SCG3: variants seen among roughly 807,000 people sequenced by gnomAD.
The protein encoded by SCG3 is secretogranin-3.
A neutral mutation model predicts 56.2 loss-of-function variants in SCG3; 38 were observed. The ratio of observed to expected loss-of-function variants is 0.68; its 90% CI spans 0.52 to 0.89. The LOEUF (loss-of-function observed/expected upper bound fraction) is 0.89. Ranked by LOEUF, SCG3 falls within the 40% of genes least tolerant of loss-of-function variation. SCG3 has a pLI of 0.00. For synonymous variants in SCG3, 176 were observed against 184.2 expected, an observed-to-expected ratio of 0.96 and a Z score of 0.36; for missense variants, 524 against 540.7, an observed-to-expected ratio of 0.97 and a Z score of 0.31.
In SCG3 at chr15:51,719,745, A is replaced by G. The variant is rs1014982797; in HGVS notation, c.*219A>G. 3 of 533,368 alleles carry G rather than the reference A, an allele frequency of 5.6e-6. No homozygotes were observed. The African/African-American group carries it at 5.7e-5, about 10-fold the overall frequency. 33.0% of individuals were successfully genotyped at this position (533,368 alleles called of 1,614,324 possible). On this transcript the variant is annotated 3_prime_UTR_variant, in exon 12 of 12. Transcript: ENST00000220478. ...TGTAAGCTGAGATTTTGTATACAGA[A>G]TCCTTATTTCCTCATAGACTTATAT...
chr15:51,684,574 C>G (rs1333530313), intron 4 of SCG3, among the ~76,000 whole-genome samples: 2 of 152,148 alleles, frequency 1.3e-5, no homozygotes, highest in Non-Finnish European at 2.9e-5. Flanking sequence ...CAGACTCCAT[C>G]TTAAACAAAC....
chr15:51,717,271 G>C (rs1157691964), intron 11 of SCG3, among the ~76,000 whole-genome samples: 1 of 152,052 alleles, frequency 6.6e-6, no homozygotes, highest in African/African-American at 2.4e-5. Context: ...AGGAGGCTGA[G>C]GCAGAAGAAT....
intron 4 of SCG3, 67 bp from the exon 5 acceptor site, chr15:51,688,193 A>G: frequency 7.2e-7 from 1 of 1,386,898 alleles, no homozygotes; most frequent in Non-Finnish European, 9.9e-7. Flanking sequence ...ACAGATTATA[A>G]GTATAATATG....
chr15:51,712,630 T>C (rs1304399432), intron 10 of SCG3, among the ~76,000 whole-genome samples: 1 of 152,188 alleles, frequency 6.6e-6, no homozygotes, highest in East Asian at 1.9e-4. Flanking sequence ...TGGATGGTAA[T>C]ATCCGCTTGC....
intron 10 of SCG3, among the ~76,000 whole-genome samples, chr15:51,703,817 T>C (rs982073560): frequency 1.3e-5 from 2 of 152,192 alleles, no homozygotes; most frequent in Non-Finnish European, 2.9e-5. Flanking sequence ...TGTTGATTTT[T>C]CCTATCTTAT....
Position 51,719,644 on chromosome 15 carries a change from T to C in SCG3, c.*118T>C. 1 of 654,788 alleles carries C rather than the reference T, an allele frequency of 1.5e-6. No individual in the cohort carries two copies. Among genetic ancestry groups the C allele is most frequent in the Non-Finnish European group, 2.6e-6 (1 of 382,140 alleles). 40.6% of individuals were successfully genotyped at this position (654,788 alleles called of 1,614,324 possible). On this transcript the variant is annotated 3_prime_UTR_variant, in exon 12 of 12. Coordinates refer to ENST00000220478, the MANE Select transcript of SCG3 (RefSeq NM_013243.4). ...CAAGGGTTATTAGAAAGTGCTGAAT[T>C]TACAGTAGTTAACCTTTTACAAGTG... is the stretch of plus-strand genomic sequence containing the variant.
At chr15:51,696,607 C>T (rs2055305129) in intron 8 of SCG3, among the ~76,000 whole-genome samples, 1 of 152,166 alleles carries the variant, frequency 6.6e-6, no homozygotes, top group African/African-American at 2.4e-5. Flanking sequence ...GTTTAATTGG[C>T]TCACAGTTCT....
intron 10 of SCG3, among the ~76,000 whole-genome samples, chr15:51,708,858 A>G (rs2055393008): frequency 1.0e-5 from 1 of 96,946 alleles, no homozygotes; most frequent in East Asian, 2.1e-4. Flanking sequence ...GACTCCATCT[A>G]AAAAAAAAAA....
At position 51,719,305 on chromosome 15, in the gene SCG3, T is replaced by C. The variant is rs1229105824; in HGVS notation, c.1289-103T>C. 4.0e-6 allele frequency: 3 copies of C among 753,862 alleles called. No individual in the cohort carries two copies. In the African/African-American group the frequency reaches 5.2e-5, roughly 13 times the overall value. The allele number at this position is 753,862 out of a possible 1,614,324, so 46.7% of individuals were successfully genotyped here. A position where few individuals can be genotyped will look rare whatever the true frequency, so the allele number is the denominator to read the frequency against. ...TCCCGATGTGAAAGATGGGGAATGG[T>C]AATTGTGTTATTGTATAAAATGCTT... On this transcript the variant is annotated intron_variant, in intron 11 of 11. Coordinates refer to ENST00000220478, the MANE Select transcript of SCG3 (RefSeq NM_013243.4).
intron 7 of SCG3, chr15:51,693,963 A>G (rs1475921264): frequency 6.6e-6 from 1 of 152,198 alleles, no homozygotes; most frequent in African/African-American, 2.4e-5. Flanking sequence ...TGATAGCTGA[A>G]GTTACTATTT....
Position 51,688,304 on chromosome 15 carries a change from G to A in SCG3, c.442G>A (p.Ala148Thr), listed in dbSNP as rs768697386. 36 of 1,613,574 alleles carry A rather than the reference G, an allele frequency of 2.2e-5. No individual in the cohort carries two copies. Among genetic ancestry groups the A allele is most frequent in the African/African-American group, 6.7e-5 (5 of 74,892 alleles). ...LHQLDGTPLTAEDIVHKIAAR... is the reference protein window; with the variant it reads ...LHQLDGTPLTTEDIVHKIAAR... ...TCAACTAGACGGGACTCCTTTAACC[G>A]CTGAAGACATTGTCCATAAAATCGC... The change falls in exon 5 of 12, where the codon GCT (alanine) becomes ACT (threonine). Residue 148 changes from alanine (A) to threonine (T), a missense_variant. Physicochemically the swap from Ala to Thr is moderately conservative, Grantham distance 58. Coordinates refer to ENST00000220478, the MANE Select transcript of SCG3 (RefSeq NM_013243.4).
intron 8 of SCG3, 99 bp from the exon 9 acceptor site, chr15:51,699,220 G>A (rs1238073950): frequency 2.5e-6 from 2 of 803,716 alleles, no homozygotes; most frequent in Non-Finnish European, 4.2e-6. Flanking sequence ...TTTTGGAGTT[G>A]CTATTGTGAT....
rs1003982100 is a variant in SCG3 at position 51,718,195 on chromosome 15, TAGATAGACAGAC to T, written c.1289-1209_1289-1198del. Among the ~76,000 whole-genome samples, 52 of 124,938 alleles carry T rather than the reference TAGATAGACAGAC, an allele frequency of 4.2e-4. 1 individual carries two copies. The highest frequency in any genetic ancestry group is 3.3e-3 in the South Asian group (13 of 3,952). The allele number at this position is 124,938 out of a possible 152,430, so 82.0% of individuals were successfully genotyped here. On this transcript the variant is annotated intron_variant, in intron 11 of 11. Transcript: ENST00000220478. ...GATGATGGATGGATGGATAGATAGA[TAGATAGACAGAC>T]AGACAGACAGACAGACAGACAGACA...
At chr15:51,710,230 G>A (rs2055412000) in intron 10 of SCG3, among the ~76,000 whole-genome samples, 1 of 152,076 alleles carries the variant, frequency 6.6e-6, no homozygotes, top group Admixed American at 6.6e-5. Flanking sequence ...ATTTCTAAGG[G>A]AGGAAGACAA....
At chr15:51,694,101 A>G (rs1374557913) in intron 7 of SCG3, among the ~76,000 whole-genome samples, 2 of 151,284 alleles carry the variant, frequency 1.3e-5, no homozygotes, top group Non-Finnish European at 2.9e-5. Context: ...TTATCTTTCC[A>G]TTTCCCTCAC....
chr15:51,704,771 A>ATATATATATATATATATATC (rs2055363638), intron 10 of SCG3, among the ~76,000 whole-genome samples: 1 of 106,186 alleles, frequency 9.4e-6, no homozygotes, highest in Non-Finnish European at 1.8e-5. Flanking sequence ...ATACATATAT[A>ATATATATATATATATATATC]TATATATATA....
chr15:51,697,459 A>G (rs1402768703), intron 8 of SCG3, among the ~76,000 whole-genome samples: 1 of 152,238 alleles, frequency 6.6e-6, no homozygotes, highest in Non-Finnish European at 1.5e-5. Context: ...ATTAAGAGTA[A>G]CTTAAGCAGA....
At position 51,688,254 on chromosome 15, in the gene SCG3, G is replaced by T. The variant is rs766851564; in HGVS notation, c.398-6G>T. On this transcript the variant is annotated splice_region_variant and splice_polypyrimidine_tract_variant and intron_variant, in intron 4 of 11. Coordinates refer to ENST00000220478, the MANE Select transcript of SCG3 (RefSeq NM_013243.4). ...TATGGTGTGAAGTTGTGGTCGTTCT[G>T]TCTAGATGATCCAGATGGTCTTCAT... is the stretch of plus-strand genomic sequence containing the variant. 3 of 1,612,146 alleles carry T rather than the reference G, an allele frequency of 1.9e-6. No individual in the cohort carries two copies. The highest frequency in any genetic ancestry group is 2.5e-6 in the Non-Finnish European group (3 of 1,178,622).
Position 51,706,527 on chromosome 15 carries a change from TA to T in SCG3, c.1207+5285del, listed in dbSNP as rs148158264. ...AGGTAATGGTCCAGCTAAAACCACT[TA>T]AGGAAATAATTATAAGCAGAACACA... On this transcript the variant is annotated intron_variant, in intron 10 of 11. Coordinates refer to ENST00000220478, the MANE Select transcript of SCG3 (RefSeq NM_013243.4). Among the ~76,000 whole-genome samples, 21 of 152,156 alleles carry T rather than the reference TA, an allele frequency of 1.4e-4. No individual in the cohort carries two copies. In the East Asian group the frequency reaches 3.5e-3, roughly 25 times the overall value.
Sources: allele counts gnomAD v4.1 joint callset (sites outside exome capture counted in the v4.1 genomes callset), GRCh38; gene constraint gnomAD v4.1.1; transcripts MANE v1.5; gene names NCBI Gene and HGNC (gene_info 2026-07-23, HGNC 2026-07-21).